The following PLCB1 variants were observed in gnomAD, a reference collection of about 807,000 sequenced individuals.
PLCB1 encodes phospholipase C beta 1, also known as 1-phosphatidylinositol 4,5-bisphosphate phosphodiesterase beta-1.
In PLCB1, 46 loss-of-function variants were observed where a neutral mutation model predicts 161.8. The observed-to-expected ratio is 0.28, with a 90% CI of 0.22 to 0.36. The LOEUF is 0.36. PLCB1 is among the 10% of genes least tolerant of loss of function. PLCB1 has a pLI of 1.00. For synonymous variants in PLCB1, 517 were observed against 503.7 expected (o/e 1.03, Z -0.35); for missense variants, 1,016 against 1,472.5 (o/e 0.69, Z 5.07).
rs573741336 is a variant in PLCB1 at position 8,829,034 on chromosome 20, A to G, written c.3423+38773A>G. Among the ~76,000 whole-genome samples, 4 of 152,326 alleles carry G rather than the reference A, an allele frequency of 2.6e-5. No individual in the cohort carries two copies. In the South Asian group the frequency reaches 8.3e-4, roughly 32 times the overall value. On this transcript the variant is annotated intron_variant, in intron 31 of 31. Transcript: ENST00000338037. ...ACCCAAAAGGATAAATGATATAGAC[A>G]TATGCTAAAGCAAGTATGGTGAAAT...
intron 9 of PLCB1, among the ~76,000 whole-genome samples, chr20:8,678,824 T>G (rs1451898278): frequency 2.0e-5 from 3 of 152,178 alleles, no homozygotes; most frequent in Non-Finnish European, 4.4e-5. Flanking sequence ...CAAAATGAAT[T>G]GCTTCTTTCA....
At chr20:8,722,498 C>A (rs6086563) in intron 15 of PLCB1, 77 bp downstream of exon 15, 2 of 1,066,520 alleles carry the variant, frequency 1.9e-6, no homozygotes, top group Non-Finnish European at 2.6e-6. Context: ...TGGTCACTTT[C>A]TGCCATCTAG....
chr20:8,283,292 A>C (rs1031453106), intron 2 of PLCB1, among the ~76,000 whole-genome samples: 2 of 152,178 alleles, frequency 1.3e-5, no homozygotes, highest in African/African-American at 4.8e-5. Flanking sequence ...ATTGGGAGAG[A>C]GCTAGCAATC....
At chr20:8,769,981 C>T (rs143940834) in intron 26 of PLCB1, among the ~76,000 whole-genome samples, 1,921 of 151,826 alleles carry the variant, frequency 0.013, 43 homozygotes, top group African/African-American at 0.043. Context: ...GAGATGGAGT[C>T]TCACTCTGTC....
chr20:8,724,811 C>T (rs1050733901), intron 16 of PLCB1, 59 bp downstream of exon 16: 37 of 914,816 alleles, frequency 4.0e-5, no homozygotes, highest in African/African-American at 3.5e-4. Flanking sequence ...ATTTTAAATA[C>T]GGAGTAATGG....
intron 2 of PLCB1, among the ~76,000 whole-genome samples, chr20:8,216,680 G>A (rs1252387297): frequency 6.6e-6 from 1 of 152,004 alleles, no homozygotes; most frequent in Non-Finnish European, 1.5e-5. Flanking sequence ...CAGAGAAAAG[G>A]CCCCACAAAT....
chr20:8,277,840 G>T (rs562256763), intron 2 of PLCB1, among the ~76,000 whole-genome samples: 1 of 152,076 alleles, frequency 6.6e-6, no homozygotes, highest in African/African-American at 2.4e-5. Flanking sequence ...ACTGGTAAAA[G>T]TGCAAAGGGG....
At chr20:8,777,710 C>T (rs1983010605) in intron 27 of PLCB1, among the ~76,000 whole-genome samples, 1 of 105,322 alleles carries the variant, frequency 9.5e-6, no homozygotes, top group Non-Finnish European at 1.9e-5. Context: ...CAGAGCAAGA[C>T]TCCATCTCAA....
At chr20:8,295,123 C>T (rs535451938) in intron 2 of PLCB1, among the ~76,000 whole-genome samples, 1 of 152,240 alleles carries the variant, frequency 6.6e-6, no homozygotes, top group Non-Finnish European at 1.5e-5. Context: ...AACAGGACTA[C>T]ATTTAACACA....
intron 3 of PLCB1, among the ~76,000 whole-genome samples, chr20:8,561,167 G>T (rs1274948957): frequency 1.3e-5 from 2 of 151,850 alleles, no homozygotes. Flanking sequence ...GAGAGAATTT[G>T]TCTCTTCATC....
intron 2 of PLCB1, among the ~76,000 whole-genome samples, chr20:8,295,128 A>G (rs1247508835): frequency 6.6e-6 from 1 of 152,210 alleles, no homozygotes; most frequent in Non-Finnish European, 1.5e-5. Flanking sequence ...GACTACATTT[A>G]ACACAGAATT....
intron 2 of PLCB1, among the ~76,000 whole-genome samples, chr20:8,351,473 G>T (rs1346813286): frequency 1.3e-5 from 2 of 151,946 alleles, no homozygotes; most frequent in Non-Finnish European, 2.9e-5. Flanking sequence ...ATCCATGAAA[G>T]AAAATTTTGA....
intron 2 of PLCB1, among the ~76,000 whole-genome samples, chr20:8,193,940 A>G (rs1325369015): frequency 6.6e-6 from 1 of 151,844 alleles, no homozygotes; most frequent in East Asian, 1.9e-4. Context: ...TCCAATATAG[A>G]TGTGATGTTC....
intron 2 of PLCB1, among the ~76,000 whole-genome samples, chr20:8,301,050 A>C (rs1168913662): frequency 1.3e-5 from 2 of 152,174 alleles, no homozygotes; most frequent in Non-Finnish European, 2.9e-5. Context: ...TCAGTTCTAC[A>C]ATGCTGCATT....
In PLCB1 at chr20:8,391,944, C is replaced by T. The variant is rs116159857; in HGVS notation, c.246+20494C>T. The stretch of plus-strand genomic sequence containing the variant: ...GGGAAAATACTGGGATGTAATTTAA[C>T]GAAAGAAACATTTTGAAATGGGAAT... On this transcript the variant is annotated intron_variant, in intron 3 of 31. Transcript: ENST00000338037. 4.1e-3 allele frequency among the ~76,000 whole-genome samples: 620 copies of T among 151,126 alleles called. 7 individuals carry two copies. The highest frequency in any genetic ancestry group is 0.013 in the African/African-American group (546 of 41,194).
chr20:8,856,134 A>G (rs1239979290), intron 31 of PLCB1, among the ~76,000 whole-genome samples: 1 of 115,036 alleles, frequency 8.7e-6, no homozygotes. Flanking sequence ...GTGTGCATGT[A>G]TATATTCCTG....
At chr20:8,347,776 T>C (rs1181059100) in intron 2 of PLCB1, among the ~76,000 whole-genome samples, 2 of 152,102 alleles carry the variant, frequency 1.3e-5, no homozygotes, top group East Asian at 3.9e-4. Context: ...AGATGATGAA[T>C]TTTTTAAGTT....
At chr20:8,424,113 C>A (rs1259744286) in intron 3 of PLCB1, among the ~76,000 whole-genome samples, 1 of 152,098 alleles carries the variant, frequency 6.6e-6, no homozygotes, top group African/African-American at 2.4e-5. Context: ...ACAGGTTATT[C>A]TCAAAAACCT....
chr20:8,616,901 A>G lies in PLCB1; in HGVS notation c.247-11393A>G, dbSNP rs550778372. On this transcript the variant is annotated intron_variant, in intron 3 of 31. Transcript: ENST00000338037. ...CAAGAATAGTTTGTATCTGAGATAT[A>G]GAGCCCAGGAGGCTAGGCCCAACAG... Among the ~76,000 whole-genome samples, 32 of 152,336 alleles carry G rather than the reference A, an allele frequency of 2.1e-4. No individual in the cohort carries two copies. The East Asian group carries it at 2.1e-3, about 10-fold the overall frequency.
Sources: gnomAD v4.1 joint callset for allele counts (sites outside exome capture counted in the v4.1 genomes callset) on GRCh38, gnomAD v4.1.1 for gene constraint, MANE v1.5 for transcripts, NCBI Gene and HGNC (gene_info 2026-07-23, HGNC 2026-07-21) for gene names.